EMCN: variants seen among roughly 807,000 people sequenced by gnomAD.
The protein encoded by EMCN is MUC-14.
A neutral mutation model predicts 38.4 loss-of-function variants in EMCN; 37 were observed. The ratio of observed to expected loss-of-function variants is 0.96; its 90% CI spans 0.74 to 1.27. EMCN has a LOEUF of 1.27. EMCN is among the 50% of genes most tolerant of loss of function. The probability of loss-of-function intolerance (pLI) is 0.00; values close to 1 mark genes in which losing one functional copy is unlikely to be tolerated. For synonymous variants in EMCN, 95 were observed against 100.8 expected (o/e 0.94, Z 0.35); for missense variants, 318 against 302.8 (o/e 1.05, Z -0.37).
At chr4:100,424,618 G>T (rs925423234) in intron 5 of EMCN, among the ~76,000 whole-genome samples, 7 of 152,216 alleles carry the variant, frequency 4.6e-5, no homozygotes, top group Admixed American at 2.0e-4. Flanking sequence ...TTCTTGCCAT[G>T]CAAGAGATCT....
intron 3 of EMCN, among the ~76,000 whole-genome samples, chr4:100,466,268 C>G (rs78633668): frequency 0.016 from 2,439 of 152,206 alleles, 68 homozygotes; most frequent in African/African-American, 0.055. Context: ...GCAGACATGC[C>G]ATTTACTGCA....
At chr4:100,512,336 G>T (rs947020802) in intron 1 of EMCN, among the ~76,000 whole-genome samples, 1 of 152,084 alleles carries the variant, frequency 6.6e-6, no homozygotes, top group African/African-American at 2.4e-5. Context: ...AGATGTAATT[G>T]ACACCACTAA....
chr4:100,456,799 C>G (rs926715542), intron 4 of EMCN, among the ~76,000 whole-genome samples: 5 of 152,066 alleles, frequency 3.3e-5, no homozygotes, highest in African/African-American at 1.2e-4. Flanking sequence ...TGAGATAGTT[C>G]ACTTTCTGTA....
At position 100,420,877 on chromosome 4, in the gene EMCN, C is replaced by T. The variant is rs375774850; in HGVS notation, c.664+405G>A. ...TGTCTCCCAGGAGGGAAATTAGTCA[C>T]GGGACATTTTTTGAGATTATGGGCC... On this transcript the variant is annotated intron_variant, in intron 8 of 11. Coordinates refer to ENST00000296420, the MANE Select transcript of EMCN (RefSeq NM_016242.4). Among the ~76,000 whole-genome samples the T allele has an allele frequency of 8.6e-5, 13 of 151,876 alleles. No individual in the cohort carries two copies. In the East Asian group the frequency reaches 1.9e-3, roughly 23 times the overall value.
At chr4:100,427,045 C>T (rs1020114731) in intron 5 of EMCN, among the ~76,000 whole-genome samples, 4 of 151,946 alleles carry the variant, frequency 2.6e-5, no homozygotes, top group Admixed American at 6.6e-5. Flanking sequence ...TGGTGGCTCA[C>T]GCCTGTAATC....
intron 1 of EMCN, among the ~76,000 whole-genome samples, chr4:100,489,041 CA>C (rs1174865051): frequency 2.6e-5 from 4 of 152,096 alleles, no homozygotes; most frequent in Non-Finnish European, 4.4e-5. Context: ...AACAGTTGAA[CA>C]GGCACTACTT....
At chr4:100,416,087 T>C (rs1383566320) in intron 9 of EMCN, 128 bp from the exon 10 acceptor site, 2 of 506,008 alleles carry the variant, frequency 4.0e-6, no homozygotes, top group African/African-American at 2.1e-5. Context: ...TGTGTATATA[T>C]ATACGTGTGT....
intron 11 of EMCN, among the ~76,000 whole-genome samples, chr4:100,402,624 A>T (rs1009394621): frequency 1.3e-5 from 2 of 152,204 alleles, no homozygotes; most frequent in African/African-American, 4.8e-5. Flanking sequence ...ACATCATTAT[A>T]TAATTCCAAA....
At chr4:100,455,047 AATT>A (rs1727971647) in intron 4 of EMCN, among the ~76,000 whole-genome samples, 1 of 152,096 alleles carries the variant, frequency 6.6e-6, no homozygotes, top group Non-Finnish European at 1.5e-5. Flanking sequence ...TTATGTGATA[AATT>A]ATTATAATTG....
At chr4:100,499,967 T>A (rs940132957) in intron 1 of EMCN, among the ~76,000 whole-genome samples, 1 of 152,162 alleles carries the variant, frequency 6.6e-6, no homozygotes, top group African/African-American at 2.4e-5. Flanking sequence ...TGAGAGCAAT[T>A]GATAATAGCT....
chr4:100,491,616 C>G (rs910475959), intron 1 of EMCN, among the ~76,000 whole-genome samples: 8 of 152,176 alleles, frequency 5.3e-5, no homozygotes, highest in African/African-American at 1.9e-4. Context: ...CCTTCAGCAA[C>G]CCTGTCCAAC....
intron 2 of EMCN, among the ~76,000 whole-genome samples, chr4:100,477,015 A>G (rs1387629208): frequency 6.6e-6 from 1 of 152,182 alleles, no homozygotes; most frequent in Admixed American, 6.5e-5. Context: ...TAGTTTCTAC[A>G]TAGAGGATGT....
chr4:100,472,562 C>T (rs1370692628), intron 3 of EMCN, among the ~76,000 whole-genome samples: 1 of 152,128 alleles, frequency 6.6e-6, no homozygotes, highest in Non-Finnish European at 1.5e-5. Flanking sequence ...AGATTTAATG[C>T]AATCCCTATC....
chr4:100,448,391 C>T (rs1258454216), intron 4 of EMCN, among the ~76,000 whole-genome samples: 1 of 152,084 alleles, frequency 6.6e-6, no homozygotes, highest in African/African-American at 2.4e-5. Flanking sequence ...TTAACATGCC[C>T]CAAACAGAAC....
At chr4:100,506,840 G>A (rs1729491809) in intron 1 of EMCN, among the ~76,000 whole-genome samples, 1 of 152,064 alleles carries the variant, frequency 6.6e-6, no homozygotes, top group South Asian at 2.1e-4. Flanking sequence ...TGAACCAGTT[G>A]ACAAATTTCA....
chr4:100,489,194 T>TACA (rs1468587144), intron 1 of EMCN, among the ~76,000 whole-genome samples: 1 of 152,174 alleles, frequency 6.6e-6, no homozygotes, highest in Non-Finnish European at 1.5e-5. Context: ...GGCTATAGGT[T>TACA]TAGAACTGTA....
intron 1 of EMCN, among the ~76,000 whole-genome samples, chr4:100,508,153 A>C (rs1397168550): frequency 6.6e-6 from 1 of 152,192 alleles, no homozygotes; most frequent in African/African-American, 2.4e-5. Context: ...CACTTGATTA[A>C]ACCACACTCA....
chr4:100,454,923 A>T (rs1403217860), intron 4 of EMCN, among the ~76,000 whole-genome samples: 1 of 152,114 alleles, frequency 6.6e-6, no homozygotes, highest in Non-Finnish European at 1.5e-5. Context: ...GTTTTTAATA[A>T]ATTTATACTT....
intron 1 of EMCN, 95 bp downstream of exon 1, chr4:100,517,756 A>G: frequency 1.8e-6 from 2 of 1,113,270 alleles, no homozygotes; most frequent in South Asian, 2.5e-5. Context: ...GCTGCATCTA[A>G]GTGTCAGGGG....
Sources: allele counts gnomAD v4.1 joint callset (sites outside exome capture counted in the v4.1 genomes callset), GRCh38; gene constraint gnomAD v4.1.1; transcripts MANE v1.5; gene names NCBI Gene and HGNC (gene_info 2026-07-23, HGNC 2026-07-21).